CELF2: variants seen among roughly 807,000 people sequenced by gnomAD.
The protein encoded by CELF2 is CUG triplet repeat RNA-binding protein 2.
In CELF2, 8 loss-of-function variants were observed where a neutral mutation model predicts 62.6. The ratio of observed to expected loss-of-function variants is 0.13; its 90% CI spans 0.07 to 0.23. CELF2 has a LOEUF of 0.23. Among genes scored for constraint, CELF2 ranks in the 10% least tolerant of loss-of-function variants. The pLI is 1.00. For missense variants in CELF2, 333 were observed against 671.0 expected (o/e 0.50, Z 5.56); for synonymous variants, 258 against 250.0 (o/e 1.03, Z -0.30).
At chr10:11,193,025 T>C (rs2076604466) in intron 2 of CELF2, among the ~76,000 whole-genome samples, 1 of 152,228 alleles carries the variant, frequency 6.6e-6, no homozygotes, top group Non-Finnish European at 1.5e-5. Context: ...GTAAAGATCT[T>C]CATGACTTTT....
At position 11,142,299 on chromosome 10, in the gene CELF2, C is replaced by A. The variant is rs144485346; in HGVS notation, c.75-23187C>A. Among the ~76,000 whole-genome samples, 1,032 of 152,156 alleles carry A rather than the reference C, an allele frequency of 6.8e-3. 32 individuals are homozygous for A. Among genetic ancestry groups the A allele is most frequent in the Admixed American group, 0.048 (736 of 15,290 alleles). On this transcript the variant is annotated intron_variant, in intron 1 of 12. Transcript: ENST00000633077. ...GACAACAGGGTGGAAGAGTTTGTGC[C>A]CTATGGTTCTTATGGGGGAAAATAG...
Position 11,010,960 on chromosome 10 carries a change from CTAATGCAGAAAGCATCTAG to C in CELF2, c.53+5521_53+5539del, listed in dbSNP as rs1451842383. ...AGGACTGAAGAAATGGAGCACAGTG[CTAATGCAGAAAGCATCTAG>C]GAAGGAAGAAAGGAAACATTTTTGA... On this transcript the variant is annotated intron_variant, in intron 1 of 12. Coordinates refer to the CELF2 transcript ENST00000416382. The surrounding 1 kb of genome is among the most constrained non-coding windows in gnomAD (Gnocchi z 4.1). 12 of 152,220 alleles carry C rather than the reference CTAATGCAGAAAGCATCTAG, an allele frequency of 7.9e-5. No individual in the cohort carries two copies. Among genetic ancestry groups the C allele is most frequent in the Non-Finnish European group, 1.6e-4 (11 of 68,052 alleles). 9.4% of individuals were successfully genotyped at this position (152,220 alleles called of 1,614,324 possible).
At chr10:11,125,941 G>A (rs76381348) in intron 1 of CELF2, among the ~76,000 whole-genome samples, 1,555 of 152,182 alleles carry the variant, frequency 0.01, 25 homozygotes, top group African/African-American at 0.035. Flanking sequence ...TAAACAATTC[G>A]TCTCATTTTC....
At chr10:10,888,525 T>TTTTACATAAAAGATTTTGAGACTTCG (rs1281864192) in intron 1 of CELF2, among the ~76,000 whole-genome samples, 1 of 152,136 alleles carries the variant, frequency 6.6e-6, no homozygotes, top group African/African-American at 2.4e-5. Flanking sequence ...AGAGACTTCG[T>TTTTACATAAAAGATTTTGAGACTTCG]TTTACATAAA....
At chr10:10,654,524 T>G in the CELF2 span, among the ~76,000 whole-genome samples, 2 of 105,040 alleles carry the variant, frequency 1.9e-5, no homozygotes, top group Non-Finnish European at 4.0e-5. Flanking sequence ...TCCACCATGA[T>G]CAAGTGGGCT....
Position 11,086,578 on chromosome 10 carries a change from TAAAAAAAAAA to T in CELF2, c.74+68438_74+68447del, listed in dbSNP as rs1168932032. Among the ~76,000 whole-genome samples the T allele has an allele frequency of 1.8e-3, 127 of 71,978 alleles. 4 individuals are homozygous for T. Among genetic ancestry groups the T allele is most frequent in the African/African-American group, 5.3e-3 (97 of 18,236 alleles). The allele number at this position is 71,978 out of a possible 152,430, so 47.2% of individuals were successfully genotyped here. A position where few individuals can be genotyped will look rare whatever the true frequency, so the allele number is the denominator to read the frequency against. On this transcript the variant is annotated intron_variant, in intron 1 of 12. Coordinates refer to ENST00000633077, the MANE Select transcript of CELF2 (RefSeq NM_001326342.2). ...AATCCATGTCTCCATTTGCATTTGTTAAAAAAAAAAAAAAAAAAAAAAAAAAAAAAAACTC... is the reference window on the plus strand; with the variant it reads ...AATCCATGTCTCCATTTGCATTTGTTAAAAAAAAAAAAAAAAAAAAAACTC...
the CELF2 span, among the ~76,000 whole-genome samples, chr10:10,728,646 G>A: frequency 5.3e-5 from 8 of 152,038 alleles, no homozygotes; most frequent in Non-Finnish European, 7.4e-5. Context: ...GAGGACTTTT[G>A]TAAAGCATTT....
Position 11,255,266 on chromosome 10 carries a change from G to C in CELF2, c.404-2472G>C, listed in dbSNP as rs539283421. Among the ~76,000 whole-genome samples, 1 of 152,288 alleles carries C rather than the reference G, an allele frequency of 6.6e-6. No individual in the cohort carries two copies. The highest frequency in any genetic ancestry group is 2.1e-4 in the South Asian group (1 of 4,822). Reference sequence around the variant, plus strand: ...CTCCCTCCCAGGAATTGGAGCCCGGGGTGCCTGTTGCCCATGTCTCCTCCG... The same window carrying C: ...CTCCCTCCCAGGAATTGGAGCCCGGCGTGCCTGTTGCCCATGTCTCCTCCG... On this transcript the variant is annotated intron_variant, in intron 4 of 12. Coordinates refer to ENST00000633077, the MANE Select transcript of CELF2 (RefSeq NM_001326342.2). This position sits in a 1 kb window ranked among gnomAD's most constrained non-coding sequence, Gnocchi z 5.5.
chr10:11,109,267 T>C (rs1301941929), intron 1 of CELF2, among the ~76,000 whole-genome samples: 1 of 152,216 alleles, frequency 6.6e-6, no homozygotes, highest in African/African-American at 2.4e-5. Context: ...TCCTGTAATG[T>C]GTGTTGCTAC....
At chr10:11,106,207 TTTTATTTATTTA>T (rs10624331) in intron 1 of CELF2, among the ~76,000 whole-genome samples, 142 of 140,484 alleles carry the variant, frequency 1.0e-3, no homozygotes, top group Middle Eastern at 3.6e-3. Context: ...TTTTACTTTA[TTTTATTTATTTA>T]TTTATTTATT....
At chr10:11,038,269 G>A (rs1005062997) in intron 1 of CELF2, among the ~76,000 whole-genome samples, 2 of 152,152 alleles carry the variant, frequency 1.3e-5, no homozygotes, top group African/African-American at 4.8e-5. Flanking sequence ...TCCATCTGTA[G>A]CCTGGCTTCC....
rs75117145 is a variant in CELF2 at position 11,115,929 on chromosome 10, A to G, written c.75-49557A>G. 2.6e-3 allele frequency among the ~76,000 whole-genome samples: 401 copies of G among 152,306 alleles called. 10 individuals carry two copies. The East Asian group carries it at 0.072, about 27-fold the overall frequency. On this transcript the variant is annotated intron_variant, in intron 1 of 12. Coordinates refer to ENST00000633077, the MANE Select transcript of CELF2 (RefSeq NM_001326342.2). ...CTTGTACCACCTTCCTTTGTAATAT[A>G]TCTGACATTTATGCTTTGACAATTG...
At chr10:11,170,089 C>T (rs1322521425) in intron 2 of CELF2, among the ~76,000 whole-genome samples, 1 of 151,424 alleles carries the variant, frequency 6.6e-6, no homozygotes, top group Non-Finnish European at 1.5e-5. Context: ...ATGTGCCTTT[C>T]TAGTAGTCTG....
chr10:10,598,609 G>T, the CELF2 span, among the ~76,000 whole-genome samples: 1 of 152,004 alleles, frequency 6.6e-6, no homozygotes, highest in African/African-American at 2.4e-5. Flanking sequence ...ATCTGTGCAG[G>T]TTATTGTGTG....
chr10:10,877,306 T>C (rs1349996063), intron 1 of CELF2, among the ~76,000 whole-genome samples: 1 of 152,270 alleles, frequency 6.6e-6, no homozygotes, highest in African/African-American at 2.4e-5. Context: ...CCTGATGACA[T>C]GTGCCCAAGG....
At chr10:11,139,512 C>T (rs759727351) in intron 1 of CELF2, among the ~76,000 whole-genome samples, 12 of 152,024 alleles carry the variant, frequency 7.9e-5, no homozygotes, top group Non-Finnish European at 1.6e-4. Context: ...ATAAAAGGGG[C>T]CATATCAGTG....
chr10:10,794,311 C>T (rs2054016471), upstream of CELF2, among the ~76,000 whole-genome samples: 1 of 151,746 alleles, frequency 6.6e-6, no homozygotes, highest in African/African-American at 2.4e-5. Flanking sequence ...AGAGAGAGAG[C>T]TTACTCACCT....
At chr10:10,695,740 G>T in the CELF2 span, among the ~76,000 whole-genome samples, 1 of 151,942 alleles carries the variant, frequency 6.6e-6, no homozygotes, top group African/African-American at 2.4e-5. Context: ...TTCCCATCTC[G>T]CTTCATTTCA....
chr10:10,596,217 G>A, the CELF2 span, among the ~76,000 whole-genome samples: 1 of 148,438 alleles, frequency 6.7e-6, no homozygotes, highest in Non-Finnish European at 1.5e-5. Context: ...GAGAAAGCAA[G>A]ACTTTTGGAA....
Sources: gnomAD v4.1 joint callset for allele counts (sites outside exome capture counted in the v4.1 genomes callset) on GRCh38, gnomAD v4.1.1 for gene constraint, Gnocchi (gnomAD v3.1) non-coding constraint, MANE v1.5 for transcripts, NCBI Gene and HGNC (gene_info 2026-07-23, HGNC 2026-07-21) for gene names.